The following SEMA4F variants were observed in gnomAD, a reference collection of about 807,000 sequenced individuals.
The protein encoded by SEMA4F is semaphorin-4F.
A neutral mutation model predicts 78.4 loss-of-function variants in SEMA4F; 51 were observed. The observed-to-expected ratio is 0.65, with a 90% CI of 0.52 to 0.82. The LOEUF is 0.82. SEMA4F is among the 40% of genes least tolerant of loss of function. SEMA4F has a pLI of 0.00. For synonymous variants in SEMA4F, 418 were observed against 408.7 expected (o/e 1.02, Z -0.27); for missense variants, 938 against 1,014.4 (o/e 0.92, Z 1.02).
rs771420587 is a variant in SEMA4F at position 74,674,895 on chromosome 2, GC to G, written c.1010del (p.Ala337ValfsTer18). On this transcript the variant is annotated frameshift_variant, in exon 9 of 14. Transcript: ENST00000357877. LOFTEE classifies it high-confidence loss of function. ...CCAACCTGTGAATTCCAGGGAGGGG[GC>G]TACTATCTCTGCTGTCTGTGCCTTC... ...YGIFSSQWEGATISAVCAFRP... is the reference protein window; with the variant it reads ...YGIFSSQWEGXTISAVCAFRP... The G allele has an allele frequency of 1.9e-6, 3 of 1,613,890 alleles. No individual in the cohort carries two copies. Among genetic ancestry groups the G allele is most frequent in the Non-Finnish European group, 2.5e-6 (3 of 1,179,976 alleles).
intron 5 of SEMA4F, among the ~76,000 whole-genome samples, chr2:74,668,784 C>T (rs374958894): frequency 1.6e-4 from 24 of 151,742 alleles, no homozygotes; most frequent in South Asian, 6.2e-4. Context: ...CATGCACTGC[C>T]ATGCCCAGCT....
At chr2:74,688,535 C>A (rs150139), downstream of SEMA4F, among the ~76,000 whole-genome samples, 143,454 of 152,326 alleles carry the variant, frequency 0.94, 67,626 homozygotes, top group East Asian at 1. Context: ...AAATAATACA[C>A]ATGATTAATA....
chr2:74,675,371 C>T lies in SEMA4F; in HGVS notation c.1359C>T (p.Leu453=), dbSNP rs752008980. Residue 453 remains leucine, a synonymous_variant, in exon 10 of 14, where the codon CTC becomes CTT. Transcript: ENST00000357877. Reference sequence around the variant, plus strand: ...TCTCAGGGAAAGAGTATGATGTGCTCTACCTGGGGACAGGTATATTTAATG... The same window carrying T: ...TCTCAGGGAAAGAGTATGATGTGCTTTACCTGGGGACAGGTATATTTAATG... ...TSLSGKEYDV[L]YLGTEDGHLH... 3 of 1,613,290 alleles carry T rather than the reference C, an allele frequency of 1.9e-6. No homozygotes were observed. Among genetic ancestry groups the T allele is most frequent in the Non-Finnish European group, 2.5e-6 (3 of 1,179,614 alleles).
In SEMA4F at chr2:74,680,717, C is replaced by T. The variant is rs1685568411; in HGVS notation, c.*508C>T. On this transcript the variant is annotated 3_prime_UTR_variant, in exon 14 of 14. Coordinates refer to ENST00000357877, the MANE Select transcript of SEMA4F (RefSeq NM_004263.5). ...CTCTGCCCTGAGATCTTCCCCATCT[C>T]AGTTTTCCTTCCATGAAAGAGTACG... is the stretch of plus-strand genomic sequence containing the variant. 1 of 153,798 alleles carries T rather than the reference C, an allele frequency of 6.5e-6. No homozygotes were observed. The highest frequency in any genetic ancestry group is 2.4e-5 in the African/African-American group (1 of 41,420). The allele number at this position is 153,798 out of a possible 1,614,324, so 9.5% of individuals were successfully genotyped here. A position where few individuals can be genotyped will look rare whatever the true frequency, so the allele number is the denominator to read the frequency against.
At chr2:74,677,201 C>T (rs1474253554) in intron 12 of SEMA4F, among the ~76,000 whole-genome samples, 1 of 152,140 alleles carries the variant, frequency 6.6e-6, no homozygotes, top group Non-Finnish European at 1.5e-5. Flanking sequence ...TGCGCCCAGC[C>T]CAGGACTCTT....
At chr2:74,672,992 T>G (rs887451585) in intron 5 of SEMA4F, among the ~76,000 whole-genome samples, 2 of 152,232 alleles carry the variant, frequency 1.3e-5, no homozygotes, top group Non-Finnish European at 1.5e-5. Context: ...AAATCGTGAC[T>G]TGTTCCAAAG....
At chr2:74,661,332 T>C (rs1684413975) in intron 4 of SEMA4F, among the ~76,000 whole-genome samples, 1 of 152,186 alleles carries the variant, frequency 6.6e-6, no homozygotes, top group African/African-American at 2.4e-5. Flanking sequence ...GGTGGACTAT[T>C]TTCTCATTCT....
chr2:74,698,948 AG>A, the SEMA4F span, among the ~76,000 whole-genome samples: 34 of 152,280 alleles, frequency 2.2e-4, no homozygotes, highest in Non-Finnish European at 4.0e-4. Flanking sequence ...ACAGAATCAC[AG>A]ACTCCTGAAG....
At position 74,683,525 on chromosome 2, in the gene SEMA4F, G is replaced by C. The variant is rs569106359; in HGVS notation, c.*3316G>C. 6.6e-6 allele frequency: 1 copy of C among 152,404 alleles called. No homozygotes were observed. The highest frequency in any genetic ancestry group is 2.1e-4 in the South Asian group (1 of 4,822). 9.4% of individuals were successfully genotyped at this position (152,404 alleles called of 1,614,324 possible). ...CCATGCCACTTCCTCAGATGTGACA[G>C]ACCTCTGCTGGGATGGAATGTGTGT... On this transcript the variant is annotated 3_prime_UTR_variant, in exon 14 of 14. Coordinates refer to ENST00000357877, the MANE Select transcript of SEMA4F (RefSeq NM_004263.5).
Position 74,654,512 on chromosome 2 carries a change from C to T in SEMA4F, c.136C>T (p.Pro46Ser). The stretch of plus-strand genomic sequence containing the variant: ...CCGCTCGGTGCCCAGAACCTCGCTT[C>T]CAATCTCTGGTAAGGCGCGGACGCC... ...VPRSVPRTSL[P>S]ISEADSCLTR... The change falls in exon 1 of 14, where the codon CCA (proline) becomes TCA (serine). Residue 46 changes from proline to serine, a missense_variant. Coordinates refer to ENST00000357877, the MANE Select transcript of SEMA4F (RefSeq NM_004263.5). 2 of 1,568,146 alleles carry T rather than the reference C, an allele frequency of 1.3e-6. No individual in the cohort carries two copies. Among genetic ancestry groups the T allele is most frequent in the Non-Finnish European group, 1.7e-6 (2 of 1,160,600 alleles).
rs764672715 is a variant in SEMA4F at position 74,657,940 on chromosome 2, T to A, written c.445T>A (p.Cys149Ser). 1 of 1,614,062 alleles carries A rather than the reference T, an allele frequency of 6.2e-7. No homozygotes were observed. The highest frequency in any genetic ancestry group is 8.5e-7 in the Non-Finnish European group (1 of 1,179,928). ...TCGTFAFDPK[C>S]GVIDVSRFQQ... ...TGGCACCTTCGCTTTTGATCCGAAG[T>A]GCGGGGTTATTGTGAGTGACGGTGT... The change falls in exon 4 of 14, where the codon TGC becomes AGC. Residue 149 changes from cysteine to serine, a missense_variant. Physicochemically the swap from Cys to Ser is moderately radical, Grantham distance 112. Transcript: ENST00000357877.
the SEMA4F span, among the ~76,000 whole-genome samples, chr2:74,696,487 C>T: frequency 2.0e-5 from 3 of 152,092 alleles, no homozygotes; most frequent in Non-Finnish European, 4.4e-5. Flanking sequence ...CATGAGCCAC[C>T]GCGCCCGGCC....
rs1032996736 is a variant in SEMA4F, at chr2:74,683,476, G to A, written c.*3267G>A. 5 of 152,232 alleles carry A rather than the reference G, an allele frequency of 3.3e-5. No individual in the cohort carries two copies. Among genetic ancestry groups the A allele is most frequent in the African/African-American group, 1.2e-4 (5 of 41,434 alleles). 9.4% of individuals were successfully genotyped at this position (152,232 alleles called of 1,614,324 possible). ...CGGGGATGGGAGTTTTTTCTTTTGA[G>A]TGATGTAGACCTATGCCCTGCTTCC... is the stretch of plus-strand genomic sequence containing the variant. On this transcript the variant is annotated 3_prime_UTR_variant, in exon 14 of 14. Coordinates refer to ENST00000357877, the MANE Select transcript of SEMA4F (RefSeq NM_004263.5).
intron 10 of SEMA4F, 44 bp from the exon 11 acceptor site, chr2:74,675,481 A>G (rs1685224360): frequency 6.3e-7 from 1 of 1,598,882 alleles, no homozygotes; most frequent in Non-Finnish European, 8.6e-7. Flanking sequence ...TCCCAGGCAC[A>G]GGGGCAATTA....
chr2:74,688,563 T>G (rs1685863943), downstream of SEMA4F, among the ~76,000 whole-genome samples: 1 of 152,232 alleles, frequency 6.6e-6, no homozygotes, highest in Non-Finnish European at 1.5e-5. Context: ...ATGAAGATGA[T>G]GTAGCTTAAC....
At chr2:74,657,530 G>A in intron 2 of SEMA4F, 35 bp from the exon 3 acceptor site, 1 of 1,602,386 alleles carries the variant, frequency 6.2e-7, no homozygotes, top group East Asian at 2.2e-5. Flanking sequence ...GATGTTAGGG[G>A]AATCTGGGTG....
At chr2:74,684,551 A>G (rs116935981), downstream of SEMA4F, among the ~76,000 whole-genome samples, 334 of 152,260 alleles carry the variant, frequency 2.2e-3, 10 homozygotes, top group East Asian at 0.058. Context: ...TCTAGAAGTA[A>G]CATGCATGAT....
At chr2:74,657,126 G>A (rs1347086286) in intron 2 of SEMA4F, among the ~76,000 whole-genome samples, 3 of 152,138 alleles carry the variant, frequency 2.0e-5, no homozygotes, top group Non-Finnish European at 4.4e-5. Flanking sequence ...AATGCTCATT[G>A]GAGCATTTTG....
chr2:74,662,664 A>G, intron 4 of SEMA4F, 68 bp from the exon 5 acceptor site: 1 of 1,281,324 alleles, frequency 7.8e-7, no homozygotes, highest in Non-Finnish European at 1.1e-6. Flanking sequence ...TCATCTGACC[A>G]TCTTTGTAAT....
Sources: gnomAD v4.1 joint callset for allele counts (sites outside exome capture counted in the v4.1 genomes callset) on GRCh38, gnomAD v4.1.1 for gene constraint, MANE v1.5 for transcripts, NCBI Gene and HGNC (gene_info 2026-07-23, HGNC 2026-07-21) for gene names.